The following SLC44A1 variants were observed in gnomAD, a reference collection of about 807,000 sequenced individuals.
The protein encoded by SLC44A1 is choline transporter-like protein 1.
A neutral mutation model predicts 79.3 loss-of-function variants in SLC44A1; 26 were observed. The observed-to-expected ratio is 0.33, with a 90% CI of 0.24 to 0.46. The LOEUF is 0.46. Ranked by LOEUF, SLC44A1 falls within the 20% of genes least tolerant of loss-of-function variation. The probability of loss-of-function intolerance (pLI) is 1.00; values close to 1 mark genes in which losing one functional copy is unlikely to be tolerated. For missense variants in SLC44A1, 688 were observed against 798.1 expected (o/e 0.86, Z 1.66); for synonymous variants, 263 against 286.2 (o/e 0.92, Z 0.82).
intron 1 of SLC44A1, among the ~76,000 whole-genome samples, chr9:105,292,423 G>T (rs1830622380): frequency 1.3e-5 from 2 of 152,112 alleles, no homozygotes. Flanking sequence ...TCTTTAGTGT[G>T]TAAAAAAATC....
chr9:105,328,812 T>A (rs1323390411), intron 3 of SLC44A1, among the ~76,000 whole-genome samples: 2 of 152,198 alleles, frequency 1.3e-5, no homozygotes, highest in African/African-American at 4.8e-5. Context: ...ACCTCTTCCT[T>A]AGGAGATTTT....
At chr9:105,291,438 A>AT (rs1244032532) in intron 1 of SLC44A1, among the ~76,000 whole-genome samples, 1 of 152,236 alleles carries the variant, frequency 6.6e-6, no homozygotes, top group East Asian at 1.9e-4. Flanking sequence ...AGTGACTATT[A>AT]TAGTGGCTTT....
chr9:105,424,946 C>G (rs1054679638), intron 15 of SLC44A1, among the ~76,000 whole-genome samples: 20 of 125,186 alleles, frequency 1.6e-4, no homozygotes, highest in African/African-American at 7.8e-4. Context: ...AAGACTCCAT[C>G]TCAAAAAAAA....
At chr9:105,408,774 A>T (rs1440249519) in intron 15 of SLC44A1, among the ~76,000 whole-genome samples, 1 of 152,238 alleles carries the variant, frequency 6.6e-6, no homozygotes, top group Non-Finnish European at 1.5e-5. Context: ...TTATAAATGT[A>T]TCTGAATGAA....
At chr9:105,274,794 G>C (rs1830162265) in intron 1 of SLC44A1, among the ~76,000 whole-genome samples, 1 of 152,138 alleles carries the variant, frequency 6.6e-6, no homozygotes, top group Non-Finnish European at 1.5e-5. Context: ...ACTGTTACAG[G>C]TGAGGAAAAT....
chr9:105,278,017 C>T (rs1564410229), intron 1 of SLC44A1, among the ~76,000 whole-genome samples: 1 of 151,792 alleles, frequency 6.6e-6, no homozygotes, highest in Non-Finnish European at 1.5e-5. Context: ...CAGCATATAG[C>T]CTTCTTAATC....
At chr9:105,374,819 A>C (rs1297667837) in intron 13 of SLC44A1, 84 bp downstream of exon 13, 25 of 1,115,446 alleles carry the variant, frequency 2.2e-5, no homozygotes, top group Middle Eastern at 2.1e-4. Context: ...TATTCAGGCC[A>C]CCAAAAAACT....
At chr9:105,350,108 A>T (rs1246886581) in intron 5 of SLC44A1, among the ~76,000 whole-genome samples, 1 of 152,214 alleles carries the variant, frequency 6.6e-6, no homozygotes, top group Non-Finnish European at 1.5e-5. Context: ...TCTAAAATGC[A>T]GTGCTGAACC....
At chr9:105,261,919 A>G (rs1829850456) in intron 1 of SLC44A1, among the ~76,000 whole-genome samples, 1 of 151,578 alleles carries the variant, frequency 6.6e-6, no homozygotes, top group South Asian at 2.1e-4. Flanking sequence ...AGCTGAGACT[A>G]CAGGCGCCCG....
At chr9:105,246,371 GT>G (rs1275409462) in intron 1 of SLC44A1, among the ~76,000 whole-genome samples, 1 of 137,132 alleles carries the variant, frequency 7.3e-6, no homozygotes, top group African/African-American at 3.0e-5. Flanking sequence ...TATTCCTCCA[GT>G]CTTTTTTTTT....
intron 15 of SLC44A1, among the ~76,000 whole-genome samples, chr9:105,424,358 A>T (rs1023326582): frequency 1.3e-5 from 2 of 152,178 alleles, no homozygotes; most frequent in Non-Finnish European, 2.9e-5. Context: ...GTAGCAGGAG[A>T]TGTGGCTGGA....
Position 105,266,583 on chromosome 9 carries a change from T to A in SLC44A1, c.36+21679T>A, listed in dbSNP as rs189405444. On this transcript the variant is annotated intron_variant, in intron 1 of 15. Coordinates refer to ENST00000374720, the MANE Select transcript of SLC44A1 (RefSeq NM_080546.5). ...GACAAAGACTATGTTTTCCATTGAA[T>A]TGCCTTTGTATCTTTCTCAAATATC... is the stretch of plus-strand genomic sequence containing the variant. Among the ~76,000 whole-genome samples, 24 of 152,346 alleles carry A rather than the reference T, an allele frequency of 1.6e-4. No individual in the cohort carries two copies. In the East Asian group the frequency reaches 4.6e-3, roughly 29 times the overall value.
intron 1 of SLC44A1, among the ~76,000 whole-genome samples, chr9:105,264,366 T>A (rs1055894417): frequency 6.6e-6 from 1 of 152,108 alleles, no homozygotes; most frequent in Non-Finnish European, 1.5e-5. Flanking sequence ...GAGTTCTCAT[T>A]ATGTTTCCCA....
chr9:105,395,450 C>T lies in SLC44A1; in HGVS notation c.*6394C>T, dbSNP rs1828857068. 2 of 680,914 alleles carry T rather than the reference C, an allele frequency of 2.9e-6. No individual in the cohort carries two copies. The highest frequency in any genetic ancestry group is 3.6e-6 in the Non-Finnish European group (2 of 551,672). 42.2% of individuals were successfully genotyped at this position (680,914 alleles called of 1,614,324 possible). ...GCCAGGCCAATCTCGAACTCCTGAC[C>T]TCAGGTGATCCACCCGCCTCAGCCT... On this transcript the variant is annotated 3_prime_UTR_variant, in exon 16 of 16. Coordinates refer to ENST00000374720, the MANE Select transcript of SLC44A1 (RefSeq NM_080546.5).
At chr9:105,437,397 A>G (rs1223815051) in intron 15 of SLC44A1, among the ~76,000 whole-genome samples, 1 of 152,084 alleles carries the variant, frequency 6.6e-6, no homozygotes, top group Non-Finnish European at 1.5e-5. Flanking sequence ...ATTGAGATCT[A>G]GATAGATAGT....
intron 3 of SLC44A1, among the ~76,000 whole-genome samples, chr9:105,325,671 C>T (rs1043403024): frequency 2.0e-5 from 3 of 152,178 alleles, no homozygotes; most frequent in Non-Finnish European, 4.4e-5. Flanking sequence ...AATCCAATCA[C>T]CTCTTAAAGG....
intron 4 of SLC44A1, among the ~76,000 whole-genome samples, chr9:105,342,462 A>T (rs1030934052): frequency 1.3e-5 from 2 of 152,164 alleles, no homozygotes; most frequent in South Asian, 4.1e-4. Flanking sequence ...ATGTATTCCC[A>T]TGGATCAGAG....
Position 105,392,399 on chromosome 9 carries a change from C to A in SLC44A1, c.*3343C>A, listed in dbSNP as rs1213262941. 1 of 810,104 alleles carries A rather than the reference C, an allele frequency of 1.2e-6. No homozygotes were observed. The allele number at this position is 810,104 out of a possible 1,614,324, so 50.2% of individuals were successfully genotyped here. On this transcript the variant is annotated 3_prime_UTR_variant, in exon 16 of 16. Coordinates refer to ENST00000374720, the MANE Select transcript of SLC44A1 (RefSeq NM_080546.5). ...TTTTGTAGAGATGCTCTCTCTCTCT[C>A]TCTCTTTTTTTTTTTTTTTTTTTTT...
chr9:105,400,996 ACCT>A (rs1291349285), downstream of SLC44A1, among the ~76,000 whole-genome samples: 1 of 152,140 alleles, frequency 6.6e-6, no homozygotes, highest in Non-Finnish European at 1.5e-5. Context: ...TGTTAGCACA[ACCT>A]CCTGATGCTG....
Sources: gnomAD v4.1 joint callset for allele counts (sites outside exome capture counted in the v4.1 genomes callset) on GRCh38, gnomAD v4.1.1 for gene constraint, MANE v1.5 for transcripts, NCBI Gene and HGNC (gene_info 2026-07-23, HGNC 2026-07-21) for gene names.